The following ZNF337 variants were observed in gnomAD, a reference collection of about 807,000 sequenced individuals.
The protein encoded by ZNF337 is zinc finger protein 337.
In ZNF337, 8 loss-of-function variants were observed where a neutral mutation model predicts 12.1. The ratio of observed to expected loss-of-function variants is 0.66; its 90% CI spans 0.39 to 1.19. The LOEUF is 1.19. ZNF337 is among the 50% of genes most tolerant of loss of function. ZNF337 has a pLI of 0.01. For synonymous variants in ZNF337, 336 were observed against 320.0 expected, an observed-to-expected ratio of 1.05 and a Z score of -0.53; for missense variants, 882 against 896.6, an observed-to-expected ratio of 0.98 and a Z score of 0.21.
Position 25,696,769 on chromosome 20 carries a change from G to A in ZNF337, c.-60C>T, listed in dbSNP as rs1049580874. The A allele has an allele frequency of 2.3e-5, 23 of 985,410 alleles. No individual in the cohort carries two copies. The highest frequency in any genetic ancestry group is 2.8e-5 in the Non-Finnish European group (23 of 829,994). 61.0% of individuals were successfully genotyped at this position (985,410 alleles called of 1,614,324 possible). On this transcript the variant is annotated 5_prime_UTR_variant, in exon 1 of 5. Coordinates refer to ENST00000252979, the MANE Select transcript of ZNF337 (RefSeq NM_015655.4). ...AGGAGCGCAGCTCACCGGGGCGGCTGAGGGCGAACCGAGGCGGTGAGGTCA... is the reference window on the plus strand; with the variant it reads ...AGGAGCGCAGCTCACCGGGGCGGCTAAGGGCGAACCGAGGCGGTGAGGTCA...
At chr20:25,688,808 C>T (rs757309637) in intron 1 of ZNF337, among the ~76,000 whole-genome samples, 8 of 152,122 alleles carry the variant, frequency 5.3e-5, no homozygotes, top group African/African-American at 1.4e-4. Flanking sequence ...TGTTCCTAAG[C>T]GGAGAACTAC....
chr20:25,679,111 A>G (rs2065739463), intron 4 of ZNF337, among the ~76,000 whole-genome samples: 1 of 152,262 alleles, frequency 6.6e-6, no homozygotes, highest in African/African-American at 2.4e-5. Flanking sequence ...AGTGAATTCC[A>G]AAATGAGTAA....
rs2065835850 is a variant in ZNF337, at chr20:25,686,573, G to A, written c.-49-107C>T. The A allele has an allele frequency of 6.2e-6, 5 of 806,348 alleles. No homozygotes were observed. In the South Asian group the frequency reaches 7.1e-5, roughly 11 times the overall value. 49.9% of individuals were successfully genotyped at this position (806,348 alleles called of 1,614,324 possible). On this transcript the variant is annotated intron_variant, in intron 1 of 4. Transcript: ENST00000252979. ...CTGGGGATCTGGGGAGGGCGCACCTGCACAATTCCCCTGTGGGGATCTGGC... is the reference window on the plus strand; with the variant it reads ...CTGGGGATCTGGGGAGGGCGCACCTACACAATTCCCCTGTGGGGATCTGGC...
At position 25,689,551 on chromosome 20, in the gene ZNF337, ATACTT is replaced by A. The variant is rs144381467; in HGVS notation, c.-49-3090_-49-3086del. Among the ~76,000 whole-genome samples, 1,407 of 152,306 alleles carry A rather than the reference ATACTT, an allele frequency of 9.2e-3. 19 individuals are homozygous for A. Among genetic ancestry groups the A allele is most frequent in the African/African-American group, 0.029 (1,213 of 41,566 alleles). ...GATTGAGGTGATAAGTGACCTGTGT[ATACTT>A]TAAAGAGTCAAAACTCATTATACAG... On this transcript the variant is annotated intron_variant, in intron 1 of 4. Transcript: ENST00000252979.
At chr20:25,694,358 T>C (rs1482411638) in intron 1 of ZNF337, among the ~76,000 whole-genome samples, 2 of 152,178 alleles carry the variant, frequency 1.3e-5, no homozygotes, top group South Asian at 2.1e-4. Flanking sequence ...TCTTAACCAG[T>C]AGGCATGGCT....
At chr20:25,685,230 AAAAG>A (rs1470803331) in intron 4 of ZNF337, among the ~76,000 whole-genome samples, 1 of 152,200 alleles carries the variant, frequency 6.6e-6, no homozygotes, top group African/African-American at 2.4e-5. Flanking sequence ...AAACAAAACA[AAAAG>A]AAGCTAAAAT....
chr20:25,674,441 C>A lies in ZNF337; in HGVS notation c.*591G>T, dbSNP rs2065650833. On this transcript the variant is annotated 3_prime_UTR_variant, in exon 5 of 5. Transcript: ENST00000252979. ...GCCTTTTCATAAGGGCACCTGATCC[C>A]ATTCGCAAAGCTCTATCTTCGTGAC... 2 of 152,558 alleles carry A rather than the reference C, an allele frequency of 1.3e-5. No homozygotes were observed. The highest frequency in any genetic ancestry group is 4.8e-5 in the African/African-American group (2 of 41,456). The allele number at this position is 152,558 out of a possible 1,614,324, so 9.5% of individuals were successfully genotyped here.
intron 4 of ZNF337, among the ~76,000 whole-genome samples, chr20:25,685,244 T>G (rs1008605792): frequency 6.6e-5 from 10 of 151,546 alleles, no homozygotes; most frequent in African/African-American, 2.4e-4. Flanking sequence ...GAAGCTAAAA[T>G]AGGAATACCT....
chr20:25,692,989 C>T (rs536961028), intron 1 of ZNF337, among the ~76,000 whole-genome samples: 75 of 152,156 alleles, frequency 4.9e-4, no homozygotes, highest in Non-Finnish European at 9.8e-4. Context: ...CTCAATTATA[C>T]CTCAATGAAG....
At chr20:25,679,776 G>A (rs1304176262) in intron 4 of ZNF337, among the ~76,000 whole-genome samples, 4 of 151,882 alleles carry the variant, frequency 2.6e-5, no homozygotes, top group East Asian at 3.9e-4. Flanking sequence ...ATAGAACTAC[G>A]ATACAATCCA....
chr20:25,680,223 C>T (rs371938653), intron 4 of ZNF337, among the ~76,000 whole-genome samples: 11 of 151,684 alleles, frequency 7.3e-5, no homozygotes, highest in Admixed American at 1.3e-4. Context: ...AGCACAGTAG[C>T]GTGACTATAG....
At chr20:25,693,600 T>C (rs2065898188) in intron 1 of ZNF337, among the ~76,000 whole-genome samples, 1 of 152,020 alleles carries the variant, frequency 6.6e-6, no homozygotes, top group East Asian at 1.9e-4. Flanking sequence ...AGAGAAGAAA[T>C]GTAGGGACAA....
rs768267179 is a variant in ZNF337, at chr20:25,675,778, T to C, written c.1510A>G (p.Asn504Asp). The C allele has an allele frequency of 6.2e-7, 1 of 1,613,668 alleles. No individual in the cohort carries two copies. The highest frequency in any genetic ancestry group is 8.5e-7 in the Non-Finnish European group (1 of 1,179,924). Residue 504 changes from asparagine (N) to aspartate (D), a missense_variant, in exon 5 of 5, where the codon AAC becomes GAC. By Grantham distance (23) the Asn-to-Asp change is conservative. Coordinates refer to ENST00000252979, the MANE Select transcript of ZNF337 (RefSeq NM_015655.4). ...CCCAAGTGTGCCCTCAGGTGCTTGT[T>C]ATAGGAGGACTTATCCCGAAACCTT... is the stretch of plus-strand genomic sequence containing the variant. The part of the protein sequence containing the change: ...GRRFRDKSSY[N>D]KHLRAHLGEK...
chr20:25,696,666 C>A, intron 1 of ZNF337, 93 bp downstream of exon 1: 8 of 871,948 alleles, frequency 9.2e-6, no homozygotes, highest in Non-Finnish European at 1.1e-5. Context: ...CGCTACGGCC[C>A]CAGCAGCGCC....
intron 4 of ZNF337, among the ~76,000 whole-genome samples, chr20:25,683,503 C>A (rs2065792541): frequency 7.2e-6 from 1 of 139,584 alleles, no homozygotes; most frequent in Non-Finnish European, 1.5e-5. Context: ...AGAACTTAAA[C>A]AAATTTACAA....
chr20:25,694,297 G>C (rs2065903462), intron 1 of ZNF337, among the ~76,000 whole-genome samples: 1 of 152,148 alleles, frequency 6.6e-6, no homozygotes, highest in African/African-American at 2.4e-5. Flanking sequence ...AAGCAACACA[G>C]CCAAGAAAGT....
intron 4 of ZNF337, 38 bp from the exon 5 acceptor site, chr20:25,677,075 G>A (rs753830154): frequency 1.8e-5 from 27 of 1,483,184 alleles, no homozygotes; most frequent in East Asian, 9.4e-5. Flanking sequence ...AATCAGTAAC[G>A]AAAAGTCTTC....
chr20:25,673,231 A>C lies in ZNF337; in HGVS notation c.*1801T>G, dbSNP rs1452353225. 6.6e-6 allele frequency among the ~76,000 whole-genome samples: 1 copy of C among 152,236 alleles called. No homozygotes were observed. The highest frequency in any genetic ancestry group is 2.4e-5 in the African/African-American group (1 of 41,456). ...TGTGTTTAATATGGAAGAGGAGCAC[A>C]GAATTCTGGTGAACCCACAATGTGC... On this transcript the variant is annotated 3_prime_UTR_variant, in exon 5 of 5. Transcript: ENST00000252979.
chr20:25,674,126 A>C lies in ZNF337; in HGVS notation c.*906T>G, dbSNP rs961606490. On this transcript the variant is annotated 3_prime_UTR_variant, in exon 5 of 5. Transcript: ENST00000252979. ...ATGGGACTGCATATACAGAGATTTT[A>C]TTTCCAGATATGACTGTGAGAGAAT... The C allele has an allele frequency of 6.6e-6, 1 of 152,226 alleles. No individual in the cohort carries two copies. The highest frequency in any genetic ancestry group is 1.5e-5 in the Non-Finnish European group (1 of 68,048). The allele number at this position is 152,226 out of a possible 1,614,324, so 9.4% of individuals were successfully genotyped here.
Sources: gnomAD v4.1 joint callset for allele counts (sites outside exome capture counted in the v4.1 genomes callset) on GRCh38, gnomAD v4.1.1 for gene constraint, MANE v1.5 for transcripts, NCBI Gene and HGNC (gene_info 2026-07-23, HGNC 2026-07-21) for gene names.